GRIA1: variants seen among roughly 807,000 people sequenced by gnomAD.
GRIA1 encodes glutamate ionotropic receptor AMPA type subunit 1.
In GRIA1, 31 loss-of-function variants were observed where a neutral mutation model predicts 99.2. That is an observed-to-expected ratio of 0.31 (90% CI 0.23 to 0.42). The LOEUF is 0.42. Ranked by LOEUF, GRIA1 falls within the 10% of genes least tolerant of loss-of-function variation. The pLI, the probability that GRIA1 is intolerant of heterozygous loss-of-function variation, is 1.00. For missense variants in GRIA1, 782 were observed against 1,157.5 expected (o/e 0.68, Z 4.71); for synonymous variants, 438 against 432.4 (o/e 1.01, Z -0.16).
At chr5:153,783,819 T>C (rs1049962064) in intron 13 of GRIA1, among the ~76,000 whole-genome samples, 3 of 152,178 alleles carry the variant, frequency 2.0e-5, no homozygotes, top group African/African-American at 4.8e-5. Context: ...GATAAGGGAA[T>C]GGTGAGTTTG....
At chr5:153,646,337 A>G (rs1213302016) in intron 2 of GRIA1, among the ~76,000 whole-genome samples, 1 of 152,238 alleles carries the variant, frequency 6.6e-6, no homozygotes, top group Non-Finnish European at 1.5e-5. Flanking sequence ...TTAAACGTGT[A>G]TTAGCAGCAA....
At chr5:153,583,721 G>A (rs1445880336) in intron 2 of GRIA1, among the ~76,000 whole-genome samples, 2 of 151,972 alleles carry the variant, frequency 1.3e-5, no homozygotes, top group African/African-American at 4.8e-5. Flanking sequence ...CATGACATGG[G>A]GTATGGGAAT....
Position 153,811,217 on chromosome 5 carries a change from G to T in GRIA1, c.2713G>T (p.Gly905Ter). Residue 905 changes from glycine (G) to a stop codon, truncating the protein, a stop_gained, in exon 16 of 16, where the codon GGA becomes TGA. Transcript: ENST00000285900. LOFTEE classifies it high-confidence loss of function. ...HSSGMPLGAT[G>*]L ...TTCAGGGATGCCCTTGGGAGCCACG[G>T]GATTGTAACTGGAGCAGATGGAGAC... 6.2e-7 allele frequency: 1 copy of T among 1,613,638 alleles called. No homozygotes were observed. Among genetic ancestry groups the T allele is most frequent in the Non-Finnish European group, 8.5e-7 (1 of 1,179,608 alleles).
rs771469015 is a variant in GRIA1, at chr5:153,750,872, C to T, written c.1824-13562C>T. 7.0e-4 allele frequency among the ~76,000 whole-genome samples: 106 copies of T among 152,100 alleles called. 1 individual carries two copies. Among genetic ancestry groups the T allele is most frequent in the African/African-American group, 1.9e-3 (80 of 41,506 alleles). ...CAGCACTTTGAGAGGCTGAGGCAGC[C>T]GGATCACGAGGTCAGGAGATCGAGA... On this transcript the variant is annotated intron_variant, in intron 11 of 15. Coordinates refer to ENST00000285900, the MANE Select transcript of GRIA1 (RefSeq NM_000827.4).
intron 2 of GRIA1, among the ~76,000 whole-genome samples, chr5:153,512,864 G>A (rs1324042364): frequency 2.6e-5 from 4 of 152,194 alleles, no homozygotes; most frequent in Admixed American, 1.3e-4. Flanking sequence ...CATGATGGTA[G>A]TGGGTTTAGC....
At chr5:153,605,736 G>A (rs565179717) in intron 2 of GRIA1, among the ~76,000 whole-genome samples, 1 of 152,286 alleles carries the variant, frequency 6.6e-6, no homozygotes, top group East Asian at 1.9e-4. Flanking sequence ...TTGATTATTT[G>A]TGAGTTTTAA....
At chr5:153,810,457 A>G (rs1766738552) in intron 15 of GRIA1, among the ~76,000 whole-genome samples, 2 of 152,234 alleles carry the variant, frequency 1.3e-5, no homozygotes, top group African/African-American at 4.8e-5. Flanking sequence ...CATTTTAACC[A>G]AACAATATCA....
chr5:153,797,873 T>C (rs1237880539), intron 14 of GRIA1, among the ~76,000 whole-genome samples: 1 of 152,206 alleles, frequency 6.6e-6, no homozygotes, highest in Admixed American at 6.5e-5. Flanking sequence ...GGAACTGGCC[T>C]AGATTGGAAA....
At chr5:153,644,139 G>A (rs1025843445) in intron 2 of GRIA1, among the ~76,000 whole-genome samples, 1 of 152,174 alleles carries the variant, frequency 6.6e-6, no homozygotes, top group Non-Finnish European at 1.5e-5. Flanking sequence ...CTTCACCCTG[G>A]ATGATGGATT....
intron 2 of GRIA1, among the ~76,000 whole-genome samples, chr5:153,551,003 A>G (rs188337348): frequency 2.0e-5 from 3 of 146,938 alleles, no homozygotes; most frequent in Non-Finnish European, 3.1e-5. Flanking sequence ...TGATGCTGAT[A>G]TAGCTGGTCT....
chr5:153,748,820 C>T (rs973312933), intron 11 of GRIA1, among the ~76,000 whole-genome samples: 2 of 152,132 alleles, frequency 1.3e-5, no homozygotes, highest in Non-Finnish European at 2.9e-5. Flanking sequence ...TTTATTTGCA[C>T]ATTTTTTGTG....
At chr5:153,801,956 G>A (rs910728255) in intron 14 of GRIA1, among the ~76,000 whole-genome samples, 3 of 146,050 alleles carry the variant, frequency 2.1e-5, no homozygotes, top group South Asian at 2.3e-4. Flanking sequence ...TTGGGGCGGG[G>A]GGGGGCGGGG....
chr5:153,812,447 T>A lies in GRIA1; in HGVS notation c.*1222T>A, dbSNP rs905846980. On this transcript the variant is annotated 3_prime_UTR_variant, in exon 16 of 16. Coordinates refer to ENST00000285900, the MANE Select transcript of GRIA1 (RefSeq NM_000827.4). Reference sequence around the variant, plus strand: ...AAGAACTTGGGTTTTTATGTTAATATAAAGTGTTGTTTTAGCATGTGGCCA... The same window carrying A: ...AAGAACTTGGGTTTTTATGTTAATAAAAAGTGTTGTTTTAGCATGTGGCCA... The A allele has an allele frequency of 7.9e-5, 12 of 152,230 alleles. No homozygotes were observed. The highest frequency in any genetic ancestry group is 1.5e-4 in the Non-Finnish European group (10 of 68,048). The allele number at this position is 152,230 out of a possible 1,614,324, so 9.4% of individuals were successfully genotyped here. A position where few individuals can be genotyped will look rare whatever the true frequency, so the allele number is the denominator to read the frequency against.
chr5:153,527,631 A>G (rs181156478), intron 2 of GRIA1, among the ~76,000 whole-genome samples: 3 of 152,204 alleles, frequency 2.0e-5, no homozygotes, highest in Non-Finnish European at 4.4e-5. Context: ...GAACAAATAC[A>G]GAAGTCAAAT....
rs191315819 is a variant in GRIA1, at chr5:153,701,716, C to G, written c.1452+2643C>G. Reference sequence around the variant, plus strand: ...TTCTTTTTAGTTTGGCTTTCCTTTTCTGTTCCCTTGGGGAAGAACCAAGTG... The same window carrying G: ...TTCTTTTTAGTTTGGCTTTCCTTTTGTGTTCCCTTGGGGAAGAACCAAGTG... On this transcript the variant is annotated intron_variant, in intron 10 of 15. Transcript: ENST00000285900. Among the ~76,000 whole-genome samples the G allele has an allele frequency of 1.6e-3, 229 of 145,744 alleles. 2 individuals carry two copies. Among genetic ancestry groups the G allele is most frequent in the African/African-American group, 5.2e-3 (206 of 39,546 alleles).
At chr5:153,682,673 C>G (rs746742211) in intron 7 of GRIA1, among the ~76,000 whole-genome samples, 1 of 152,110 alleles carries the variant, frequency 6.6e-6, no homozygotes, top group Non-Finnish European at 1.5e-5. Flanking sequence ...CCACTGACCC[C>G]CACCCTGCTC....
At chr5:153,567,506 G>C (rs1761743104) in intron 2 of GRIA1, among the ~76,000 whole-genome samples, 1 of 152,170 alleles carries the variant, frequency 6.6e-6, no homozygotes, top group South Asian at 2.1e-4. Flanking sequence ...CCTGTGTAAG[G>C]ATATCTGTAG....
At chr5:153,589,457 TTG>T (rs1415833583) in intron 2 of GRIA1, among the ~76,000 whole-genome samples, 1 of 152,118 alleles carries the variant, frequency 6.6e-6, no homozygotes, top group Non-Finnish European at 1.5e-5. Flanking sequence ...CACACTTGCT[TTG>T]TAGAATTTGC....
chr5:153,698,024 C>T lies in GRIA1; in HGVS notation c.1135-20C>T, dbSNP rs1758239449. The T allele has an allele frequency of 7.1e-7, 1 of 1,405,960 alleles. No individual in the cohort carries two copies. Among genetic ancestry groups the T allele is most frequent in the Non-Finnish European group, 1.0e-6 (1 of 990,852 alleles). 87.1% of individuals were successfully genotyped at this position (1,405,960 alleles called of 1,614,324 possible). ...AGGAGGCTGGCCCACCTGACACCTC[C>T]ACTCTCTTCTCATTAACAGATTGGT... On this transcript the variant is annotated intron_variant, in intron 8 of 15. Coordinates refer to ENST00000285900, the MANE Select transcript of GRIA1 (RefSeq NM_000827.4).
Sources: allele counts gnomAD v4.1 joint callset (sites outside exome capture counted in the v4.1 genomes callset), GRCh38; gene constraint gnomAD v4.1.1; transcripts MANE v1.5; gene names NCBI Gene and HGNC (gene_info 2026-07-23, HGNC 2026-07-21).